SYNCRIP: variants seen among roughly 807,000 people sequenced by gnomAD.
SYNCRIP encodes synaptotagmin binding cytoplasmic RNA interacting protein.
In SYNCRIP, 9 loss-of-function variants were observed where a neutral mutation model predicts 68.9. The observed-to-expected ratio is 0.13, with a 90% CI of 0.08 to 0.23. The LOEUF (loss-of-function observed/expected upper bound fraction) is 0.23, where lower values mean the gene tolerates loss of function less well. Among genes scored for constraint, SYNCRIP ranks in the 10% least tolerant of loss-of-function variants. The pLI is 1.00. For synonymous variants in SYNCRIP, 258 were observed against 254.0 expected (o/e 1.02, Z -0.15); for missense variants, 414 against 770.6 (o/e 0.54, Z 5.48).
Position 85,641,414 on chromosome 6 carries a change from T to C in SYNCRIP, c.26A>G (p.Asn9Ser), listed in dbSNP as rs761658275. 14 of 1,613,532 alleles carry C rather than the reference T, an allele frequency of 8.7e-6. No homozygotes were observed. The Admixed American group carries it at 2.0e-4, about 23-fold the overall frequency. The change falls in exon 2 of 11, where the codon AAT becomes AGT. Residue 9 changes from asparagine (N) to serine (S), a missense_variant. By Grantham distance (46) the Asn-to-Ser change is conservative. Transcript: ENST00000369622. ...AGTATCCATGGGCTCTTCAGTACCA[T>C]TTCCATTAACATGTTCTGTAGCCAT... MATEHVNG[N>S]GTEEPMDTTS...
downstream of SYNCRIP, chr6:85,609,993 A>G (rs538377540): frequency 6.6e-6 from 1 of 152,046 alleles, no homozygotes; most frequent in Admixed American, 6.5e-5. Context: ...TTTTTACTAA[A>G]GGATTAGTTA....
intron 10 of SYNCRIP, among the ~76,000 whole-genome samples, chr6:85,616,864 T>G (rs977497416): frequency 2.6e-5 from 4 of 152,060 alleles, no homozygotes; most frequent in Admixed American, 2.6e-4. Flanking sequence ...CGGTCATAAC[T>G]GAGAAAGGGG....
At chr6:85,642,284 C>T (rs1430111572) in intron 1 of SYNCRIP, among the ~76,000 whole-genome samples, 1 of 152,116 alleles carries the variant, frequency 6.6e-6, no homozygotes, top group Non-Finnish European at 1.5e-5. Context: ...CGACGACCCC[C>T]GGCCGCCCGC....
At chr6:85,610,694 T>C (rs1305472680), downstream of SYNCRIP, 1 of 152,058 alleles carries the variant, frequency 6.6e-6, no homozygotes, top group African/African-American at 2.4e-5. Context: ...GGCATGGCAA[T>C]GACCTCTTAG....
Position 85,640,241 on chromosome 6 carries a change from G to C in SYNCRIP, c.355C>G (p.Pro119Ala). The change falls in exon 4 of 11, where the codon CCA (proline) becomes GCA (alanine). Residue 119 changes from proline (P) to alanine (A), a missense_variant. Pro to Ala is a conservative substitution (Grantham distance 27). Transcript: ENST00000369622. Reference protein sequence around the residue: ...GTKVADSSKGPDEAKIKALLE... With the variant: ...GTKVADSSKGADEAKIKALLE... Reference sequence around the variant, plus strand: ...CATACCTTAATTTTTGCCTCATCTGGTCCTTTACTAGAATCTGCTACTTTG... The same window carrying C: ...CATACCTTAATTTTTGCCTCATCTGCTCCTTTACTAGAATCTGCTACTTTG... 1 of 1,613,302 alleles carries C rather than the reference G, an allele frequency of 6.2e-7. No individual in the cohort carries two copies. Among genetic ancestry groups the C allele is most frequent in the South Asian group, 1.1e-5 (1 of 91,022 alleles).
At chr6:85,639,046 A>G (rs1303801771) in intron 4 of SYNCRIP, among the ~76,000 whole-genome samples, 1 of 152,108 alleles carries the variant, frequency 6.6e-6, no homozygotes, top group Non-Finnish European at 1.5e-5. Flanking sequence ...CACCTCTGCT[A>G]AAAATACAAA....
rs747025938 is a variant in SYNCRIP at position 85,625,380 on chromosome 6, G to GT, written c.667-1269dup. On this transcript the variant is annotated intron_variant, in intron 6 of 10. Coordinates refer to ENST00000369622, the MANE Select transcript of SYNCRIP (RefSeq NM_006372.5). ...TTATATCAACTCTTAAACATACAGG[G>GT]TTTTTTTTTTTTTGTCTTTTCTGAG... Among the ~76,000 whole-genome samples the GT allele has an allele frequency of 6.4e-3, 900 of 141,428 alleles. 8 individuals are homozygous for GT. The highest frequency in any genetic ancestry group is 7.3e-3 in the African/African-American group (283 of 38,690). 92.8% of individuals were successfully genotyped at this position (141,428 alleles called of 152,430 possible).
chr6:85,618,552 C>CA (rs926108782), intron 10 of SYNCRIP, among the ~76,000 whole-genome samples: 13 of 150,152 alleles, frequency 8.7e-5, no homozygotes, highest in East Asian at 1.9e-4. Flanking sequence ...CAATACAAAA[C>CA]AAAAAAAAAG....
intron 6 of SYNCRIP, among the ~76,000 whole-genome samples, chr6:85,631,724 A>C (rs1562100422): frequency 1.3e-5 from 2 of 152,250 alleles, no homozygotes; most frequent in African/African-American, 2.4e-5. Context: ...CTGGTGACGT[A>C]ACTTGTACAG....
At chr6:85,633,230 T>A (rs976296666) in intron 6 of SYNCRIP, among the ~76,000 whole-genome samples, 3 of 150,738 alleles carry the variant, frequency 2.0e-5, no homozygotes, top group Non-Finnish European at 2.9e-5. Flanking sequence ...CACTCCAGCC[T>A]GGGCAACAGA....
At chr6:85,616,808 C>T (rs992265595) in intron 10 of SYNCRIP, among the ~76,000 whole-genome samples, 1 of 152,046 alleles carries the variant, frequency 6.6e-6, no homozygotes, top group Non-Finnish European at 1.5e-5. Context: ...ATAGTTCTCA[C>T]CAGGGATAAT....
At position 85,641,410 on chromosome 6, in the gene SYNCRIP, A is replaced by T. The variant is rs1165115817; in HGVS notation, c.30T>A (p.Gly10=). The part of the protein sequence containing the change: MATEHVNGN[G]TEEPMDTTSA... ...AAGTAGTATCCATGGGCTCTTCAGT[A>T]CCATTTCCATTAACATGTTCTGTAG... Residue 10 remains glycine, a synonymous_variant, in exon 2 of 11, where the codon GGT becomes GGA. Transcript: ENST00000369622. 1 of 1,613,720 alleles carries T rather than the reference A, an allele frequency of 6.2e-7. No individual in the cohort carries two copies. The highest frequency in any genetic ancestry group is 1.3e-5 in the African/African-American group (1 of 75,038).
rs1457787091 is a variant in SYNCRIP at position 85,642,814 on chromosome 6, G to C, written c.-30C>G. 6.5e-6 allele frequency: 1 copy of C among 152,800 alleles called. No homozygotes were observed. The highest frequency in any genetic ancestry group is 6.5e-5 in the Admixed American group (1 of 15,290). 9.5% of individuals were successfully genotyped at this position (152,800 alleles called of 1,614,324 possible). A position where few individuals can be genotyped will look rare whatever the true frequency, so the allele number is the denominator to read the frequency against. ...GTCGTTACCTCCCCGTTGGGCTGAGGCGGAGAAATCCTGTCCGATGGTATC... is the reference window on the plus strand; with the variant it reads ...GTCGTTACCTCCCCGTTGGGCTGAGCCGGAGAAATCCTGTCCGATGGTATC... On this transcript the variant is annotated 5_prime_UTR_variant, in exon 1 of 11. Transcript: ENST00000369622.
At chr6:85,621,629 G>C (rs1474741028) in intron 8 of SYNCRIP, among the ~76,000 whole-genome samples, 1 of 146,616 alleles carries the variant, frequency 6.8e-6, no homozygotes, top group African/African-American at 2.5e-5. Context: ...AAAAAAAAGA[G>C]AACAAAGGAT....
intron 6 of SYNCRIP, among the ~76,000 whole-genome samples, chr6:85,636,032 A>G (rs1178245570): frequency 1.3e-5 from 2 of 152,214 alleles, no homozygotes; most frequent in Non-Finnish European, 2.9e-5. Flanking sequence ...TGCTTGATAC[A>G]TTCTATGGGT....
intron 8 of SYNCRIP, among the ~76,000 whole-genome samples, chr6:85,619,712 T>C (rs933522576): frequency 2.0e-5 from 3 of 152,192 alleles, no homozygotes; most frequent in Non-Finnish European, 2.9e-5. Context: ...ACTATTAGAA[T>C]GGCCAAAATC....
Position 85,614,616 on chromosome 6 carries a change from C to A in SYNCRIP, c.*140G>T. 7.6e-7 allele frequency: 1 copy of A among 1,317,766 alleles called. No homozygotes were observed. Among genetic ancestry groups the A allele is most frequent in the Non-Finnish European group, 9.7e-7 (1 of 1,033,782 alleles). 81.6% of individuals were successfully genotyped at this position (1,317,766 alleles called of 1,614,324 possible). On this transcript the variant is annotated 3_prime_UTR_variant, in exon 11 of 11. Coordinates refer to ENST00000369622, the MANE Select transcript of SYNCRIP (RefSeq NM_006372.5). ...AAGCAGTTAGAAGTGTGGCTTTGTTCGTGTCCAAGCGGATTGTTAAAATAT... is the reference window on the plus strand; with the variant it reads ...AAGCAGTTAGAAGTGTGGCTTTGTTAGTGTCCAAGCGGATTGTTAAAATAT...
rs772612651 is a variant in SYNCRIP at position 85,640,252 on chromosome 6, G to C, written c.344C>G (p.Ser115Cys). The change falls in exon 4 of 11, where the codon TCT becomes TGT. Residue 115 changes from serine (S) to cysteine (C), a missense_variant. Physicochemically the swap from Ser to Cys is moderately radical, Grantham distance 112. This residue lies in a region of SYNCRIP where 110 missense variants were observed against 269.3 expected (regional missense o/e 0.41). Transcript: ENST00000369622. ...TTTTGCCTCATCTGGTCCTTTACTA[G>C]AATCTGCTACTTTGGTCCCTTGTTT... ...REKQGTKVAD[S>C]SKGPDEAKIK... 1 of 1,613,706 alleles carries C rather than the reference G, an allele frequency of 6.2e-7. No individual in the cohort carries two copies. Among genetic ancestry groups the C allele is most frequent in the East Asian group, 2.2e-5 (1 of 44,794 alleles).
In SYNCRIP at chr6:85,638,076, T is replaced by C. The variant is rs552348539; in HGVS notation, c.376-720A>G. On this transcript the variant is annotated intron_variant, in intron 4 of 10. Coordinates refer to ENST00000369622, the MANE Select transcript of SYNCRIP (RefSeq NM_006372.5). ...TGTTTATTCCTTATTCTAGGCAAAG[T>C]ATAGAAAGAAGTATAGGCTGGGTGC... Among the ~76,000 whole-genome samples the C allele has an allele frequency of 2.6e-5, 4 of 152,132 alleles. No individual in the cohort carries two copies. In the East Asian group the frequency reaches 7.7e-4, roughly 29 times the overall value.
Sources: allele counts gnomAD v4.1 joint callset (sites outside exome capture counted in the v4.1 genomes callset), GRCh38; gene constraint gnomAD v4.1.1; regional missense constraint gnomAD v4.1.1; transcripts MANE v1.5; gene names NCBI Gene and HGNC (gene_info 2026-07-23, HGNC 2026-07-21).